Variants in TBC1D14 observed in about 807,000 individuals in gnomAD.
The protein encoded by TBC1D14 is TBC1 domain family member 14, also known as TBC1 domain family, member 14.
In TBC1D14, 26 loss-of-function variants were observed where a neutral mutation model predicts 79.0. The ratio of observed to expected loss-of-function variants is 0.33; its 90% CI spans 0.24 to 0.46. The LOEUF (loss-of-function observed/expected upper bound fraction) is 0.46, where lower values mean the gene tolerates loss of function less well. Among genes scored for constraint, TBC1D14 ranks in the 20% least tolerant of loss-of-function variants. The pLI, the probability that TBC1D14 is intolerant of heterozygous loss-of-function variation, is 1.00. For missense variants in TBC1D14, 769 were observed against 887.6 expected (o/e 0.87, Z 1.70); for synonymous variants, 394 against 349.9 (o/e 1.13, Z -1.40).
intron 2 of TBC1D14, among the ~76,000 whole-genome samples, chr4:6,964,096 A>G (rs763588123): frequency 1.3e-5 from 2 of 152,132 alleles, no homozygotes; most frequent in Non-Finnish European, 2.9e-5. Context: ...GTGCCCAGCC[A>G]CAACTTTGAT....
intron 2 of TBC1D14, among the ~76,000 whole-genome samples, chr4:6,950,579 C>A (rs962321957): frequency 3.2e-4 from 10 of 31,174 alleles, no homozygotes; most frequent in Admixed American, 1.7e-3. Context: ...TTATTAGATA[C>A]CTTTATTAGA....
intron 1 of TBC1D14, among the ~76,000 whole-genome samples, chr4:6,916,398 C>T (rs922228554): frequency 4.6e-5 from 7 of 152,192 alleles, no homozygotes; most frequent in African/African-American, 1.4e-4. Flanking sequence ...AGCCACTAAG[C>T]GGATTTTTTT....
intron 2 of TBC1D14, among the ~76,000 whole-genome samples, chr4:6,947,509 A>G (rs1479827440): frequency 6.6e-6 from 1 of 151,866 alleles, no homozygotes; most frequent in Non-Finnish European, 1.5e-5. Context: ...AAAAAAAAAA[A>G]AAATTAGCTG....
intron 7 of TBC1D14, among the ~76,000 whole-genome samples, chr4:7,004,115 C>G (rs1719946041): frequency 6.6e-6 from 1 of 152,204 alleles, no homozygotes; most frequent in Admixed American, 6.5e-5. Context: ...CACACTTGTC[C>G]TTGAAAGAAG....
rs1436894480 is a variant in TBC1D14 at position 6,923,066 on chromosome 4, A to G, written c.-17-307A>G. On this transcript the variant is annotated intron_variant, in intron 1 of 13. Coordinates refer to ENST00000409757, the MANE Select transcript of TBC1D14 (RefSeq NM_020773.3). ...AAATACAAAAATTAGCTGGGCGTGG[A>G]AGCGCATGCCTGTAATCCCAGCTAC... Among the ~76,000 whole-genome samples, 23 of 152,154 alleles carry G rather than the reference A, an allele frequency of 1.5e-4. 1 individual carries two copies.
At chr4:6,929,437 G>A (rs1220550398) in intron 2 of TBC1D14, among the ~76,000 whole-genome samples, 2 of 152,150 alleles carry the variant, frequency 1.3e-5, no homozygotes, top group East Asian at 3.8e-4. Context: ...AAGCAGCAAA[G>A]CCCGTTGACA....
intron 2 of TBC1D14, among the ~76,000 whole-genome samples, chr4:6,943,114 TTA>T (rs1713070164): frequency 6.6e-6 from 1 of 152,138 alleles, no homozygotes; most frequent in Non-Finnish European, 1.5e-5. Flanking sequence ...TTGTTCGGTA[TTA>T]CACCAAAGCA....
chr4:6,958,374 TATACAC>T (rs56768938), intron 2 of TBC1D14, among the ~76,000 whole-genome samples: 482 of 42,298 alleles, frequency 0.011, 1 homozygote, highest in African/African-American at 0.052. Flanking sequence ...GATCCCCACA[TATACAC>T]ACACACACAC....
At chr4:7,026,154 C>CTTTTTT (rs34608007) in intron 13 of TBC1D14, among the ~76,000 whole-genome samples, 45 of 147,142 alleles carry the variant, frequency 3.1e-4, no homozygotes, top group Non-Finnish European at 4.5e-5. Context: ...CTTGATTTAA[C>CTTTTTT]TTTTTTTTTT....
intron 5 of TBC1D14, among the ~76,000 whole-genome samples, chr4:6,997,975 A>T (rs931377614): frequency 6.6e-6 from 1 of 152,226 alleles, no homozygotes; most frequent in Non-Finnish European, 1.5e-5. Context: ...TCTTAATGCC[A>T]CTGAACTGTA....
At chr4:6,996,813 A>G (rs1719100739) in intron 5 of TBC1D14, among the ~76,000 whole-genome samples, 1 of 152,230 alleles carries the variant, frequency 6.6e-6, no homozygotes, top group African/African-American at 2.4e-5. Context: ...TTTATTCAAG[A>G]GAAAAGCACT....
rs751948984 is a variant in TBC1D14 at position 6,923,498 on chromosome 4, G to A, written c.109G>A (p.Ala37Thr). The change falls in exon 2 of 14, where the codon GCG (alanine) becomes ACG (threonine). Residue 37 changes from alanine to threonine, a missense_variant. Around this residue, in one of 2 missense-constraint regions of TBC1D14, gnomAD observed 402 missense variants for 393.2 expected, o/e 1.02. Transcript: ENST00000409757. ...GAACCTGCAACACGTCAATCTCAAGGCGCCCCGACTCCTCTCCGCGCCTGA... is the reference window on the plus strand; with the variant it reads ...GAACCTGCAACACGTCAATCTCAAGACGCCCCGACTCCTCTCCGCGCCTGA... ...LQNLQHVNLK[A>T]PRLLSAPEYG... 1.9e-6 allele frequency: 3 copies of A among 1,614,026 alleles called. No individual in the cohort carries two copies. The highest frequency in any genetic ancestry group is 2.7e-5 in the African/African-American group (2 of 74,910).
chr4:6,970,195 A>C (rs1000380823), intron 3 of TBC1D14, among the ~76,000 whole-genome samples: 23 of 152,182 alleles, frequency 1.5e-4, no homozygotes, highest in African/African-American at 5.1e-4. Flanking sequence ...AAGTTTTCTT[A>C]TTACTTGAGA....
intron 2 of TBC1D14, among the ~76,000 whole-genome samples, chr4:6,963,687 G>T (rs539535559): frequency 6.6e-6 from 1 of 152,298 alleles, no homozygotes; most frequent in African/African-American, 2.4e-5. Flanking sequence ...TTTTGGGGTC[G>T]CACTTCAGCC....
chr4:6,961,496 G>T (rs1351846797), intron 2 of TBC1D14, among the ~76,000 whole-genome samples: 1 of 152,104 alleles, frequency 6.6e-6, no homozygotes, highest in African/African-American at 2.4e-5. Context: ...GAGCCTGGTG[G>T]TGGGGCTGTG....
intron 2 of TBC1D14, among the ~76,000 whole-genome samples, chr4:6,944,446 G>T (rs1468561993): frequency 7.2e-5 from 11 of 152,144 alleles, no homozygotes; most frequent in African/African-American, 2.7e-4. Flanking sequence ...ATTTCCTTAG[G>T]ACCGAGTTCC....
At chr4:7,016,509 T>C (rs1003815983) in intron 12 of TBC1D14, among the ~76,000 whole-genome samples, 3 of 152,192 alleles carry the variant, frequency 2.0e-5, no homozygotes, top group Admixed American at 6.5e-5. Context: ...AGCTTCTCCC[T>C]TATCTGTTTT....
At chr4:6,966,568 A>G (rs1277399763) in intron 2 of TBC1D14, among the ~76,000 whole-genome samples, 1 of 152,184 alleles carries the variant, frequency 6.6e-6, no homozygotes, top group Non-Finnish European at 1.5e-5. Flanking sequence ...TGTACTTGAA[A>G]TTTTAATTTG....
In TBC1D14 at chr4:6,938,430, C is replaced by A. The variant is rs922245091; in HGVS notation, c.722+14319C>A. Among the ~76,000 whole-genome samples, 3 of 152,158 alleles carry A rather than the reference C, an allele frequency of 2.0e-5. No homozygotes were observed. The East Asian group carries it at 5.8e-4, about 29-fold the overall frequency. On this transcript the variant is annotated intron_variant, in intron 2 of 13. Coordinates refer to ENST00000409757, the MANE Select transcript of TBC1D14 (RefSeq NM_020773.3). ...CTGGGAGGAACAGGGATCGTGGTCA[C>A]ACGAGCGTGAGGCGCCACTTCCTCT...
Sources: gnomAD v4.1 joint callset for allele counts (sites outside exome capture counted in the v4.1 genomes callset) on GRCh38, gnomAD v4.1.1 for gene constraint, gnomAD v4.1.1 regional missense constraint, MANE v1.5 for transcripts, NCBI Gene and HGNC (gene_info 2026-07-23, HGNC 2026-07-21) for gene names.